DLAT: variants seen among roughly 807,000 people sequenced by gnomAD.
DLAT encodes the protein dihydrolipoamide S-acetyltransferase, also known as dihydrolipoyllysine-residue acetyltransferase component of pyruvate dehydrogenase complex, mitochondrial.
Under a neutral mutation model 68.0 loss-of-function variants are expected in DLAT, and 43 were observed. The observed-to-expected ratio is 0.63, with a 90% CI of 0.50 to 0.81. DLAT has a LOEUF of 0.81. DLAT is among the 40% of genes least tolerant of loss of function. DLAT has a pLI of 0.00. For synonymous variants in DLAT, 265 were observed against 288.6 expected (o/e 0.92, Z 0.83); for missense variants, 745 against 815.4 (o/e 0.91, Z 1.05).
rs1555182018 is a variant in DLAT at position 112,051,753 on chromosome 11, C to A, written c.1514+404C>A. On this transcript the variant is annotated intron_variant, in intron 11 of 13. Transcript: ENST00000280346. The surrounding 1 kb of genome is among the most constrained non-coding windows in gnomAD (Gnocchi z 4.3). ...ATTTAGCTAGTAAAGGCTATAGATT[C>A]TTTGTATGAGTTCAGCAAAGGGAGA... Among the ~76,000 whole-genome samples, 1 of 152,034 alleles carries A rather than the reference C, an allele frequency of 6.6e-6. No individual in the cohort carries two copies. Among genetic ancestry groups the A allele is most frequent in the African/African-American group, 2.4e-5 (1 of 41,380 alleles).
chr11:112,061,215 A>G (rs1555183239), intron 13 of DLAT, 41 bp downstream of exon 13: 2 of 1,610,872 alleles, frequency 1.2e-6, no homozygotes, highest in East Asian at 2.2e-5. Flanking sequence ...GCTAATTTTT[A>G]TTACACTGTA....
chr11:112,033,434 A>G lies in DLAT; in HGVS notation c.691A>G (p.Thr231Ala). The G allele has an allele frequency of 6.2e-7, 1 of 1,613,910 alleles. No homozygotes were observed. The highest frequency in any genetic ancestry group is 8.5e-7 in the Non-Finnish European group (1 of 1,179,892). The change falls in exon 5 of 14, where the codon ACC (threonine) becomes GCC (alanine). Residue 231 changes from threonine to alanine, a missense_variant. Transcript: ENST00000280346. Reference sequence around the variant, plus strand: ...TCTTCCTGCCCTCTCTCCCACCATGACCATGGGCACAGTTCAGAGATGGGA... The same window carrying G: ...TCTTCCTGCCCTCTCTCCCACCATGGCCATGGGCACAGTTCAGAGATGGGA... Reference protein sequence around the residue: ...VLLPALSPTMTMGTVQRWEKK... With the variant: ...VLLPALSPTMAMGTVQRWEKK...
At chr11:112,050,648 T>C (rs1365082404) in intron 10 of DLAT, among the ~76,000 whole-genome samples, 1 of 152,196 alleles carries the variant, frequency 6.6e-6, no homozygotes, top group Non-Finnish European at 1.5e-5. Flanking sequence ...ATAATTCTTT[T>C]TACTTCTGTA....
chr11:112,035,659 T>C (rs1862673947), intron 5 of DLAT, among the ~76,000 whole-genome samples: 2 of 151,962 alleles, frequency 1.3e-5, no homozygotes, highest in Non-Finnish European at 2.9e-5. Context: ...CGGCTAATTT[T>C]TGTATTTTTA....
chr11:112,026,852 G>A (rs2137683149), intron 2 of DLAT, among the ~76,000 whole-genome samples: 1 of 152,304 alleles, frequency 6.6e-6, no homozygotes, highest in South Asian at 2.1e-4. Context: ...ACAGGGTGGT[G>A]GCCGGGCAGA....
Position 112,051,266 on chromosome 11 carries a change from T to C in DLAT, c.1431T>C (p.Asn477=). The C allele has an allele frequency of 6.2e-7, 1 of 1,613,128 alleles. No homozygotes were observed. Among genetic ancestry groups the C allele is most frequent in the African/African-American group, 1.3e-5 (1 of 75,064 alleles). Residue 477 remains asparagine (N), a synonymous_variant, in exon 11 of 14, where the codon AAT becomes AAC. Transcript: ENST00000280346. The surrounding 1 kb of genome is among the most constrained non-coding windows in gnomAD (Gnocchi z 4.3). ...ILEGRSKISV[N]DFIIKASALA... ...AAGGGAGAAGCAAAATTTCTGTCAA[T>C]GACTTCATCATAAAAGCTTCAGCTT... is the stretch of plus-strand genomic sequence containing the variant.
intron 11 of DLAT, among the ~76,000 whole-genome samples, chr11:112,054,304 A>G (rs1555182276): frequency 1.3e-5 from 2 of 152,050 alleles, no homozygotes; most frequent in African/African-American, 4.8e-5. Flanking sequence ...TGAGCAACAG[A>G]GCAAGACTGC....
Position 112,028,140 on chromosome 11 carries a change from C to T in DLAT, c.382-375C>T, listed in dbSNP as rs74501988. Among the ~76,000 whole-genome samples, 9 of 152,232 alleles carry T rather than the reference C, an allele frequency of 5.9e-5. No homozygotes were observed. The East Asian group carries it at 1.7e-3, about 29-fold the overall frequency. ...CTGGCCAAACTGATTTTAACCAAGGCGTTTCTAAAGTAATTTCTTCTTTGA... is the reference window on the plus strand; with the variant it reads ...CTGGCCAAACTGATTTTAACCAAGGTGTTTCTAAAGTAATTTCTTCTTTGA... On this transcript the variant is annotated intron_variant, in intron 2 of 13. Transcript: ENST00000280346.
In DLAT at chr11:112,028,857, C is replaced by T. The variant is rs200500508; in HGVS notation, c.572C>T (p.Ala191Val). ...LDSSAAPTPQ[A>V]APAPTPAATA... ...TCCTCAGCAGCACCTACCCCACAAG[C>T]GGCCCCAGCACCAACCCCTGCTGCC... The change falls in exon 4 of 14, where the codon GCG (alanine) becomes GTG (valine). Residue 191 changes from alanine (A) to valine (V), a missense_variant. Ala to Val is a moderately conservative substitution (Grantham distance 64). Transcript: ENST00000280346. The T allele has an allele frequency of 1.5e-4, 242 of 1,614,026 alleles. No individual in the cohort carries two copies. The highest frequency in any genetic ancestry group is 2.8e-4 in the Admixed American group (17 of 59,984).
intron 7 of DLAT, 117 bp downstream of exon 7, chr11:112,039,514 A>T: frequency 9.5e-7 from 1 of 1,053,726 alleles, no homozygotes; most frequent in Non-Finnish European, 1.4e-6. Context: ...AGTAGGGACA[A>T]TCATTAATAA....
chr11:112,031,333 G>A (rs1209119977), intron 4 of DLAT, among the ~76,000 whole-genome samples: 1 of 152,186 alleles, frequency 6.6e-6, no homozygotes, highest in Admixed American at 6.5e-5. Context: ...TTTACATTTA[G>A]ATAGGCATTC....
At chr11:112,037,579 G>A (rs1862840681) in intron 6 of DLAT, 119 bp downstream of exon 6, 2 of 979,298 alleles carry the variant, frequency 2.0e-6, no homozygotes, top group Non-Finnish European at 3.2e-6. Flanking sequence ...TGAGGAGGGA[G>A]ATAGTTTATT....
intron 13 of DLAT, among the ~76,000 whole-genome samples, chr11:112,062,150 C>G (rs1170926422): frequency 1.4e-4 from 22 of 152,050 alleles, no homozygotes; most frequent in Admixed American, 6.6e-5. Context: ...ATAAACAAGA[C>G]AAATGAATTG....
intron 4 of DLAT, among the ~76,000 whole-genome samples, chr11:112,029,645 CT>C (rs113882148): frequency 1.1e-3 from 154 of 145,234 alleles, no homozygotes; most frequent in East Asian, 1.4e-3. Context: ...GATCATATTT[CT>C]TTTTTTTTTT....
chr11:112,062,423 T>C lies in DLAT; in HGVS notation c.1832T>C (p.Met611Thr). Residue 611 changes from methionine to threonine, a missense_variant, in exon 14 of 14, where the codon ATG becomes ACG. Transcript: ENST00000280346. ...TTTTCTAGGTTTGATGTGGCTAGCA[T>C]GATGTCTGTTACACTCAGTTGTGAT... Reference protein sequence around the residue: ...DNEKGFDVASMMSVTLSCDHR... With the variant: ...DNEKGFDVASTMSVTLSCDHR... 2.5e-6 allele frequency: 4 copies of C among 1,612,586 alleles called. No individual in the cohort carries two copies.
At chr11:112,038,037 A>G (rs1555180706) in intron 6 of DLAT, among the ~76,000 whole-genome samples, 1 of 152,216 alleles carries the variant, frequency 6.6e-6, no homozygotes, top group African/African-American at 2.4e-5. Flanking sequence ...CTGAACTTGT[A>G]TAACTCCAAC....
rs587682609 is a variant in DLAT at position 112,060,551 on chromosome 11, T to G, written c.1677+486T>G. On this transcript the variant is annotated intron_variant, in intron 12 of 13. Transcript: ENST00000280346. ...CTCACTGCAACCTCCGCCTCCCAGGTTCAAGCAATTCTCCTACCTCTGCCT... is the reference window on the plus strand; with the variant it reads ...CTCACTGCAACCTCCGCCTCCCAGGGTCAAGCAATTCTCCTACCTCTGCCT... 2.6e-5 allele frequency among the ~76,000 whole-genome samples: 4 copies of G among 152,112 alleles called. No homozygotes were observed. In the East Asian group the frequency reaches 7.7e-4, roughly 29 times the overall value.
chr11:112,042,213 T>C (rs1231402916), intron 7 of DLAT, among the ~76,000 whole-genome samples: 2 of 152,224 alleles, frequency 1.3e-5, no homozygotes, highest in Admixed American at 6.5e-5. Context: ...GATGGCCTGT[T>C]GTGCCGCCCA....
At chr11:112,048,734 A>G (rs587715171) in intron 10 of DLAT, among the ~76,000 whole-genome samples, 5 of 152,030 alleles carry the variant, frequency 3.3e-5, no homozygotes, top group African/African-American at 9.6e-5. Context: ...GGATTTCACC[A>G]TGTTGGCCAG....
Sources: allele counts gnomAD v4.1 joint callset (sites outside exome capture counted in the v4.1 genomes callset), GRCh38; gene constraint gnomAD v4.1.1; non-coding constraint Gnocchi (gnomAD v3.1); transcripts MANE v1.5; gene names NCBI Gene and HGNC (gene_info 2026-07-23, HGNC 2026-07-21).